Variants in SPG11 observed in about 807,000 individuals in gnomAD.
SPG11 encodes spatacsin.
In SPG11, 222 loss-of-function variants were observed where a neutral mutation model predicts 274.0. That is an observed-to-expected ratio of 0.81 (90% CI 0.73 to 0.91). The LOEUF (loss-of-function observed/expected upper bound fraction) is 0.91, where lower values mean the gene tolerates loss of function less well. SPG11 is among the 40% of genes least tolerant of loss of function. The probability of loss-of-function intolerance (pLI) is 0.00; values close to 1 mark genes in which losing one functional copy is unlikely to be tolerated. For missense variants in SPG11, 3,114 were observed against 2,872.7 expected, an observed-to-expected ratio of 1.08 and a Z score of -1.92; for synonymous variants, 1,144 against 1,039.7, an observed-to-expected ratio of 1.10 and a Z score of -1.93.
In SPG11 at chr15:44,565,987, T is replaced by G. The variant is rs140563925; in HGVS notation, c.6866A>C (p.Gln2289Pro). The G allele has an allele frequency of 6.2e-7, 1 of 1,613,730 alleles. No homozygotes were observed. Among genetic ancestry groups the G allele is most frequent in the Non-Finnish European group, 8.5e-7 (1 of 1,180,016 alleles). Residue 2289 changes from glutamine (Q) to proline (P), a missense_variant, in exon 38 of 40, where the codon CAG (glutamine) becomes CCG (proline). By Grantham distance (76) the Gln-to-Pro change is moderately conservative. Coordinates refer to ENST00000261866, the MANE Select transcript of SPG11 (RefSeq NM_025137.4). ...YAKDSCVRQA[Q>P]HCQRLTKLIT... ...CAACTTGGTGAGCCGCTGACAGTGC[T>G]GGGCCTGTCGCACACAGGAGTCCTG...
chr15:44,583,633 A>C (rs1159656230), intron 30 of SPG11, among the ~76,000 whole-genome samples, 181 bp downstream of exon 30: 2 of 152,260 alleles, frequency 1.3e-5, no homozygotes, highest in Non-Finnish European at 2.9e-5. Flanking sequence ...TAGCTAGTTT[A>C]AAAGACATAG....
chr15:44,628,730 T>C lies in SPG11; in HGVS notation c.2006A>G (p.Asp669Gly). 6.2e-7 allele frequency: 1 copy of C among 1,613,816 alleles called. No homozygotes were observed. Among genetic ancestry groups the C allele is most frequent in the Non-Finnish European group, 8.5e-7 (1 of 1,179,920 alleles). ...TACTTTGGGGACATTTTCATGTACATCATATTCATCTATAGCATCTGTTAG... is the reference window on the plus strand; with the variant it reads ...TACTTTGGGGACATTTTCATGTACACCATATTCATCTATAGCATCTGTTAG... Reference protein sequence around the residue: ...WKLTDAIDEYDVHENVPKVKE... With the variant: ...WKLTDAIDEYGVHENVPKVKE... The change falls in exon 10 of 40, where the codon GAT becomes GGT. Residue 669 changes from aspartate (D) to glycine (G), a missense_variant. Physicochemically the swap from Asp to Gly is moderately conservative, Grantham distance 94. Coordinates refer to ENST00000261866, the MANE Select transcript of SPG11 (RefSeq NM_025137.4).
chr15:44,630,724 C>T (rs545440368), intron 8 of SPG11, among the ~76,000 whole-genome samples: 1 of 152,202 alleles, frequency 6.6e-6, no homozygotes, highest in Admixed American at 6.5e-5. Flanking sequence ...GGATTACAGA[C>T]ATGCACCACC....
In SPG11 at chr15:44,633,656, T is replaced by A. The variant is rs749658348; in HGVS notation, c.1603-19A>T. The A allele has an allele frequency of 1.9e-6, 3 of 1,610,278 alleles. No homozygotes were observed. Among genetic ancestry groups the A allele is most frequent in the South Asian group, 1.1e-5 (1 of 90,564 alleles). On this transcript the variant is annotated intron_variant, in intron 7 of 39. Coordinates refer to ENST00000261866, the MANE Select transcript of SPG11 (RefSeq NM_025137.4). ...TCCCGGCCTGAAATGAGGAGGAAAATAAAAATCAGAAAAAAATTACAATAG... is the reference window on the plus strand; with the variant it reads ...TCCCGGCCTGAAATGAGGAGGAAAAAAAAAATCAGAAAAAAATTACAATAG...
At chr15:44,654,785 G>C (rs1437606767) in intron 4 of SPG11, among the ~76,000 whole-genome samples, 2 of 151,896 alleles carry the variant, frequency 1.3e-5, no homozygotes, top group Non-Finnish European at 2.9e-5. Context: ...GCAGTGAGCT[G>C]AGATTGCACC....
chr15:44,622,854 G>T, intron 11 of SPG11, 55 bp from the exon 12 acceptor site: 3 of 1,284,874 alleles, frequency 2.3e-6, no homozygotes, highest in South Asian at 2.4e-5. Context: ...GAACTATTTT[G>T]AACATAAATA....
chr15:44,583,078 A>ACT (rs143678587), intron 30 of SPG11, among the ~76,000 whole-genome samples: 1 of 152,052 alleles, frequency 6.6e-6, no homozygotes, highest in East Asian at 1.9e-4. Context: ...CAGAAATACA[A>ACT]CTCTATTTGC....
chr15:44,663,530 G>A lies in SPG11; in HGVS notation c.118C>T (p.Gln40Ter), dbSNP rs267607084. ...CGCAGCTGCGCCCGGGAGCCGAGCT[G>A]CCCCATCGCCTCGGCGGGGACTGGC... ...LVPVPAEAMG[Q>*]LGSRAQLRTQ... The change falls in exon 1 of 40, where the codon CAG becomes TAG. Residue 40 changes from glutamine to a stop codon, truncating the protein, a stop_gained. Transcript: ENST00000261866. LOFTEE classifies it high-confidence loss of function. 1 of 1,598,582 alleles carries A rather than the reference G, an allele frequency of 6.3e-7. No homozygotes were observed. The highest frequency in any genetic ancestry group is 1.1e-5 in the South Asian group (1 of 89,258).
At chr15:44,565,290 C>T (rs931363615) in intron 38 of SPG11, among the ~76,000 whole-genome samples, 3 of 152,128 alleles carry the variant, frequency 2.0e-5, no homozygotes, top group Non-Finnish European at 2.9e-5. Flanking sequence ...GCAGTGGTCC[C>T]CAACCTTTTT....
chr15:44,644,732 G>A (rs1279419489), intron 7 of SPG11, among the ~76,000 whole-genome samples: 2 of 152,004 alleles, frequency 1.3e-5, no homozygotes, highest in Non-Finnish European at 2.9e-5. Flanking sequence ...AAAGTTTCAG[G>A]ATACAAAATC....
At chr15:44,565,234 C>G (rs529810497) in intron 38 of SPG11, among the ~76,000 whole-genome samples, 1 of 152,286 alleles carries the variant, frequency 6.6e-6, no homozygotes, top group South Asian at 2.1e-4. Flanking sequence ...GAGGTTCTTG[C>G]AGGACCACCA....
At chr15:44,623,667 C>G (rs922507115) in intron 11 of SPG11, among the ~76,000 whole-genome samples, 5 of 152,320 alleles carry the variant, frequency 3.3e-5, no homozygotes, top group African/African-American at 9.6e-5. Context: ...ATAATGAGCT[C>G]CTATGCATGC....
chr15:44,656,338 A>C (rs1373713765), intron 4 of SPG11, among the ~76,000 whole-genome samples: 1 of 152,256 alleles, frequency 6.6e-6, no homozygotes, highest in Non-Finnish European at 1.5e-5. Flanking sequence ...GGCAGAAAAA[A>C]AGATTTCAAT....
rs112155039 is a variant in SPG11, at chr15:44,659,515, C to G, written c.443-212G>C. 0.014 allele frequency among the ~76,000 whole-genome samples: 2,154 copies of G among 152,176 alleles called. 48 individuals carry two copies. Among genetic ancestry groups the G allele is most frequent in the East Asian group, 0.037 (193 of 5,176 alleles). ...AAGATGGCCTACAATGTCCCTGATT[C>G]CATTTATGCTAGTCTGACAGCACAC... is the stretch of plus-strand genomic sequence containing the variant. On this transcript the variant is annotated intron_variant, in intron 2 of 39. Transcript: ENST00000261866.
In SPG11 at chr15:44,651,587, C is replaced by A; in HGVS notation, c.1360G>T (p.Asp454Tyr). The change falls in exon 6 of 40, where the codon GAT becomes TAT. Residue 454 changes from aspartate to tyrosine, a missense_variant. Coordinates refer to ENST00000261866, the MANE Select transcript of SPG11 (RefSeq NM_025137.4). ...CACTGCATGCCCTGGGTCTCCAAAT[C>A]CCAGAGGGTAATGGTATAGCCCATC... is the stretch of plus-strand genomic sequence containing the variant. Reference protein sequence around the residue: ...ERMGYTITLWDLETQGMQCFS... With the variant: ...ERMGYTITLWYLETQGMQCFS... 1.2e-6 allele frequency: 2 copies of A among 1,614,154 alleles called. No homozygotes were observed. The highest frequency in any genetic ancestry group is 1.7e-6 in the Non-Finnish European group (2 of 1,180,006).
intron 32 of SPG11, 83 bp downstream of exon 32, chr15:44,573,464 T>C (rs1223437697): frequency 5.5e-6 from 8 of 1,444,286 alleles, no homozygotes; most frequent in African/African-American, 1.4e-5. Flanking sequence ...ACAGGATGTA[T>C]ATAAGCACAA....
At chr15:44,630,591 GTT>G (rs961374068) in intron 8 of SPG11, among the ~76,000 whole-genome samples, 23 of 152,052 alleles carry the variant, frequency 1.5e-4, no homozygotes, top group African/African-American at 5.6e-4. Context: ...TTTTGTTTTT[GTT>G]TTTTTGAGAC....
In SPG11 at chr15:44,633,644, T is replaced by G. The variant is rs748704940; in HGVS notation, c.1603-7A>C. The G allele has an allele frequency of 6.2e-7, 1 of 1,612,248 alleles. No individual in the cohort carries two copies. Among genetic ancestry groups the G allele is most frequent in the Admixed American group, 1.7e-5 (1 of 59,786 alleles). ...GACGATTTTCTATCCCGGCCTGAAA[T>G]GAGGAGGAAAATAAAAATCAGAAAA... On this transcript the variant is annotated splice_polypyrimidine_tract_variant and splice_region_variant and intron_variant, in intron 7 of 39. Coordinates refer to ENST00000261866, the MANE Select transcript of SPG11 (RefSeq NM_025137.4).
chr15:44,605,322 C>A (rs902255319), intron 20 of SPG11, among the ~76,000 whole-genome samples: 1 of 152,098 alleles, frequency 6.6e-6, no homozygotes, highest in Non-Finnish European at 1.5e-5. Context: ...TTCTATATAT[C>A]AAAATTCGAA....
Sources: allele counts gnomAD v4.1 joint callset (sites outside exome capture counted in the v4.1 genomes callset), GRCh38; gene constraint gnomAD v4.1.1; transcripts MANE v1.5; gene names NCBI Gene and HGNC (gene_info 2026-07-23, HGNC 2026-07-21).